The following SMARCA2 variants were observed in gnomAD, a reference collection of about 807,000 sequenced individuals.
SMARCA2 encodes SWI/SNF-related matrix-associated actin-dependent regulator of chromatin subfamily A member 2.
SMARCA2 carries 61 observed loss-of-function variants against 199.8 expected under a neutral mutation model. The ratio of observed to expected loss-of-function variants is 0.31; its 90% CI spans 0.25 to 0.38. SMARCA2 has a LOEUF of 0.38. Ranked by LOEUF, SMARCA2 falls within the 10% of genes least tolerant of loss-of-function variation. SMARCA2 has a pLI of 1.00. For missense variants in SMARCA2, 1,344 were observed against 2,012.2 expected (o/e 0.67, Z 6.35); for synonymous variants, 935 against 732.0 (o/e 1.28, Z -4.48).
In SMARCA2 at chr9:2,192,970, T is replaced by C; in HGVS notation, c.*231T>C. On this transcript the variant is annotated 3_prime_UTR_variant, in exon 34 of 34. Coordinates refer to ENST00000349721, the MANE Select transcript of SMARCA2 (RefSeq NM_003070.5). ...CCAAATGGGCCTCAAAGATTCAGATTGAAACAAACAAAAAGCTTTTGATGG... is the reference window on the plus strand; with the variant it reads ...CCAAATGGGCCTCAAAGATTCAGATCGAAACAAACAAAAAGCTTTTGATGG... 2.0e-6 allele frequency: 1 copy of C among 492,044 alleles called. No individual in the cohort carries two copies. Among genetic ancestry groups the C allele is most frequent in the South Asian group, 3.5e-5 (1 of 28,892 alleles). 30.5% of individuals were successfully genotyped at this position (492,044 alleles called of 1,614,324 possible).
intron 23 of SMARCA2, among the ~76,000 whole-genome samples, chr9:2,107,376 G>A (rs925053074): frequency 2.0e-5 from 3 of 152,152 alleles, no homozygotes; most frequent in African/African-American, 7.2e-5. Flanking sequence ...CCCCAGGCTG[G>A]AGTGCATCTC....
intron 9 of SMARCA2, 115 bp from the exon 10 acceptor site, chr9:2,070,303 G>A (rs1315793992): frequency 1.6e-5 from 13 of 814,676 alleles, no homozygotes; most frequent in African/African-American, 3.4e-5. Flanking sequence ...CACTTAAGCT[G>A]TGTTAGATAA....
rs561330024 is a variant in SMARCA2, at chr9:2,052,512, A to G, written c.1047-2085A>G. Among the ~76,000 whole-genome samples the G allele has an allele frequency of 2.7e-3, 413 of 152,350 alleles. 4 individuals are homozygous for G. The highest frequency in any genetic ancestry group is 4.2e-3 in the Non-Finnish European group (283 of 68,030). On this transcript the variant is annotated intron_variant, in intron 5 of 33. Coordinates refer to ENST00000349721, the MANE Select transcript of SMARCA2 (RefSeq NM_003070.5). The stretch of plus-strand genomic sequence containing the variant: ...GAAAAAACAATAACGACAGCACGGT[A>G]GCAGTGATAATATTAACACATTATG...
rs1823533589 is a variant in SMARCA2 at position 2,123,020 on chromosome 9, G to C, written c.3763-699G>C. On this transcript the variant is annotated intron_variant, in intron 26 of 33. Transcript: ENST00000349721. The surrounding 1 kb of genome is among the most constrained non-coding windows in gnomAD (Gnocchi z 4.1). ...ATCCATTTCACTTACAACTAGATCA[G>C]TTGGGATGCGATTACCTCTGAGCTC... Among the ~76,000 whole-genome samples the C allele has an allele frequency of 6.6e-6, 1 of 152,190 alleles. No homozygotes were observed. The highest frequency in any genetic ancestry group is 2.1e-4 in the South Asian group (1 of 4,828).
intron 31 of SMARCA2, among the ~76,000 whole-genome samples, chr9:2,182,466 A>C (rs1827105990): frequency 7.1e-6 from 1 of 140,662 alleles, no homozygotes; most frequent in South Asian, 2.3e-4. Flanking sequence ...ACTTCTTTTC[A>C]AAGCTTATAG....
chr9:2,046,573 T>C (rs1032383222), intron 4 of SMARCA2, among the ~76,000 whole-genome samples: 4 of 152,172 alleles, frequency 2.6e-5, no homozygotes, highest in African/African-American at 4.8e-5. Flanking sequence ...AAAGAAAAAG[T>C]GTGTGCTCCT....
rs777364885 is a variant in SMARCA2 at position 2,170,405 on chromosome 9, C to G, written c.4200-14C>G. The G allele has an allele frequency of 2.5e-6, 4 of 1,614,066 alleles. No homozygotes were observed. Among genetic ancestry groups the G allele is most frequent in the African/African-American group, 1.3e-5 (1 of 75,038 alleles). On this transcript the variant is annotated splice_polypyrimidine_tract_variant and intron_variant, in intron 28 of 33. Coordinates refer to ENST00000349721, the MANE Select transcript of SMARCA2 (RefSeq NM_003070.5). The surrounding 1 kb of genome is among the most constrained non-coding windows in gnomAD (Gnocchi z 4.7). Reference sequence around the variant, plus strand: ...AGGTCTTCTGACTCTAGTGTTCTTTCTACTCTACCGCAGGTGTAACGTGGA... The same window carrying G: ...AGGTCTTCTGACTCTAGTGTTCTTTGTACTCTACCGCAGGTGTAACGTGGA...
chr9:2,022,258 T>G (rs1018113075), intron 1 of SMARCA2: 1 of 152,182 alleles, frequency 6.6e-6, no homozygotes, highest in Non-Finnish European at 1.5e-5. Context: ...TTGAAGCTGT[T>G]AGAAGGATCC....
At chr9:2,143,569 G>A (rs141794188) in intron 27 of SMARCA2, among the ~76,000 whole-genome samples, 1 of 152,314 alleles carries the variant, frequency 6.6e-6, no homozygotes, top group African/African-American at 2.4e-5. Flanking sequence ...TGACAGCAGG[G>A]AGACCAGGGG....
At chr9:2,064,937 C>T (rs955952483) in intron 9 of SMARCA2, among the ~76,000 whole-genome samples, 1 of 152,238 alleles carries the variant, frequency 6.6e-6, no homozygotes, top group African/African-American at 2.4e-5. Flanking sequence ...GTAATCCCAG[C>T]ACTTTGGGAG....
At chr9:2,191,598 G>C (rs1463698663) in intron 33 of SMARCA2, 190 bp downstream of exon 33, 4 of 510,390 alleles carry the variant, frequency 7.8e-6, no homozygotes, top group Non-Finnish European at 1.3e-5. Context: ...TGGGGGCTTT[G>C]TTTATTGCCT....
intron 32 of SMARCA2, among the ~76,000 whole-genome samples, chr9:2,187,239 AG>A (rs990863177): frequency 6.6e-6 from 1 of 152,048 alleles, no homozygotes. Flanking sequence ...TTTACCTTTT[AG>A]GATATTAGTT....
intron 9 of SMARCA2, among the ~76,000 whole-genome samples, chr9:2,061,235 A>G (rs1005991071): frequency 5.9e-5 from 9 of 152,220 alleles, no homozygotes; most frequent in Admixed American, 2.6e-4. Flanking sequence ...ATTGTTTAAT[A>G]GAAGATTTTA....
In SMARCA2 at chr9:2,029,184, C is replaced by T. The variant is rs1252230463; in HGVS notation, c.162C>T (p.Ser54=). 4 of 1,613,436 alleles carry T rather than the reference C, an allele frequency of 2.5e-6. No individual in the cohort carries two copies. Among genetic ancestry groups the T allele is most frequent in the Non-Finnish European group, 3.4e-6 (4 of 1,179,756 alleles). ...CAAGTCCTGGACCTCCAAGTGTCTC[C>T]CATCCTATGCCGACGATGGGGTCCA... ...MGPSPGPPSV[S]HPMPTMGSTD... The change falls in exon 2 of 34, where the codon TCC becomes TCT. Residue 54 remains serine, a synonymous_variant. Coordinates refer to ENST00000349721, the MANE Select transcript of SMARCA2 (RefSeq NM_003070.5).
At chr9:2,171,142 T>G (rs1277477876) in intron 29 of SMARCA2, among the ~76,000 whole-genome samples, 1 of 152,128 alleles carries the variant, frequency 6.6e-6, no homozygotes, top group South Asian at 2.1e-4. Context: ...TTAGATGACA[T>G]TGGTTGAGCT....
At chr9:2,061,224 C>T (rs186653462) in intron 9 of SMARCA2, among the ~76,000 whole-genome samples, 1 of 152,230 alleles carries the variant, frequency 6.6e-6, no homozygotes, top group Admixed American at 6.5e-5. Flanking sequence ...GTTCATAAAT[C>T]ATTGTTTAAT....
intron 29 of SMARCA2, among the ~76,000 whole-genome samples, chr9:2,172,291 T>C (rs1036102836): frequency 3.3e-5 from 5 of 151,894 alleles, no homozygotes. Flanking sequence ...GAAAGAGCTA[T>C]GTCAACAAAT....
chr9:2,186,361 C>G (rs1220394792), intron 32 of SMARCA2, 133 bp downstream of exon 32: 1 of 917,642 alleles, frequency 1.1e-6, no homozygotes, highest in East Asian at 2.7e-5. Flanking sequence ...TTTGTCCTTG[C>G]TGGGCAACCG....
chr9:2,029,989 C>T (rs930664039), intron 2 of SMARCA2, among the ~76,000 whole-genome samples: 1 of 152,192 alleles, frequency 6.6e-6, no homozygotes, highest in Non-Finnish European at 1.5e-5. Context: ...TCCTCTGTGA[C>T]AGTTTGCTTT....
Sources: allele counts gnomAD v4.1 joint callset (sites outside exome capture counted in the v4.1 genomes callset), GRCh38; gene constraint gnomAD v4.1.1; non-coding constraint Gnocchi (gnomAD v3.1); transcripts MANE v1.5; gene names NCBI Gene and HGNC (gene_info 2026-07-23, HGNC 2026-07-21).